Variants in SIMC1 observed in about 807,000 individuals in gnomAD.
The protein encoded by SIMC1 is SUMO interacting motifs containing 1.
A neutral mutation model predicts 82.3 loss-of-function variants in SIMC1; 55 were observed. The ratio of observed to expected loss-of-function variants is 0.67; its 90% CI spans 0.54 to 0.84. The LOEUF is 0.84. Among genes scored for constraint, SIMC1 ranks in the 40% least tolerant of loss-of-function variants. The pLI, the probability that SIMC1 is intolerant of heterozygous loss-of-function variation, is 0.00. For synonymous variants in SIMC1, 353 were observed against 426.3 expected (o/e 0.83, Z 2.12); for missense variants, 915 against 1,107.2 (o/e 0.83, Z 2.46).
chr5:176,295,912 G>A (rs1161212244), intron 3 of SIMC1, among the ~76,000 whole-genome samples: 4 of 152,294 alleles, frequency 2.6e-5, no homozygotes, highest in African/African-American at 4.8e-5. Flanking sequence ...GCCAATCACC[G>A]TGAACTGAGG....
rs544709546 is a variant in SIMC1 at position 176,255,013 on chromosome 5, A to G, written c.129+16376A>G. On this transcript the variant is annotated intron_variant, in intron 1 of 9. Coordinates refer to ENST00000429602, the MANE Select transcript of SIMC1 (RefSeq NM_001308195.2). Reference sequence around the variant, plus strand: ...AGAACCTGGCTAGGCATGGTGGCTCATGCCTGTAATCCCAGCACTTTGGGA... The same window carrying G: ...AGAACCTGGCTAGGCATGGTGGCTCGTGCCTGTAATCCCAGCACTTTGGGA... Among the ~76,000 whole-genome samples, 382 of 152,166 alleles carry G rather than the reference A, an allele frequency of 2.5e-3. 1 individual carries two copies. Among genetic ancestry groups the G allele is most frequent in the African/African-American group, 8.7e-3 (361 of 41,528 alleles).
chr5:176,290,456 C>T lies in SIMC1; in HGVS notation c.932C>T (p.Ser311Leu). The change falls in exon 2 of 10, where the codon TCA (serine) becomes TTA (leucine). Residue 311 changes from serine (S) to leucine (L), a missense_variant. Physicochemically the swap from Ser to Leu is moderately radical, Grantham distance 145. This residue lies in a region of SIMC1 where 902 missense variants were observed against 1,040.3 expected (regional missense o/e 0.87). Transcript: ENST00000429602. ...GCATACCTGCAAGACATGCCACGGT[C>T]ACCAGGAGATGTGCCACAGTCACCA... Reference protein sequence around the residue: ...DVAYLQDMPRSPGDVPQSPSD... With the variant: ...DVAYLQDMPRLPGDVPQSPSD... The T allele has an allele frequency of 6.2e-7, 1 of 1,613,838 alleles. No homozygotes were observed. The highest frequency in any genetic ancestry group is 8.5e-7 in the Non-Finnish European group (1 of 1,179,782).
In SIMC1 at chr5:176,336,705, C is replaced by G. The variant is rs1243752789; in HGVS notation, c.2172-15C>G. 2 of 1,612,702 alleles carry G rather than the reference C, an allele frequency of 1.2e-6. No homozygotes were observed. The highest frequency in any genetic ancestry group is 3.3e-5 in the Admixed American group (2 of 59,946). On this transcript the variant is annotated splice_polypyrimidine_tract_variant and intron_variant, in intron 7 of 9. Transcript: ENST00000429602. ...AGTTGTGATGATTAACTCCCTCTTC[C>G]TCTTCTCCACACAGAGAAATGTTCT...
At position 176,248,256 on chromosome 5, in the gene SIMC1, ATTTG is replaced by A. The variant is rs1356355164; in HGVS notation, c.129+9625_129+9628del. 3.6e-4 allele frequency among the ~76,000 whole-genome samples: 55 copies of A among 152,186 alleles called. No individual in the cohort carries two copies. In the East Asian group the frequency reaches 9.1e-3, roughly 25 times the overall value. ...ATCCATGAGCATGGAATGTTTTTCC[ATTTG>A]TTTGTGTCCTCTTTTATTTCGTTGA... On this transcript the variant is annotated intron_variant, in intron 1 of 9. Transcript: ENST00000429602.
chr5:176,301,086 C>T (rs1464892771), intron 4 of SIMC1, among the ~76,000 whole-genome samples: 1 of 152,196 alleles, frequency 6.6e-6, no homozygotes, highest in East Asian at 1.9e-4. Flanking sequence ...TCAGCTTATT[C>T]TGTGAGGCCA....
At chr5:176,282,524 C>T (rs531131444) in intron 1 of SIMC1, among the ~76,000 whole-genome samples, 1 of 152,230 alleles carries the variant, frequency 6.6e-6, no homozygotes, top group Non-Finnish European at 1.5e-5. Flanking sequence ...TCTTCTGCGT[C>T]GCTCACGCTG....
At chr5:176,252,523 TC>T (rs1291941868) in intron 1 of SIMC1, among the ~76,000 whole-genome samples, 1 of 137,068 alleles carries the variant, frequency 7.3e-6, no homozygotes. Context: ...CAGAGGCGCT[TC>T]CCACATCTCA....
At chr5:176,255,573 C>G (rs1761825346) in intron 1 of SIMC1, among the ~76,000 whole-genome samples, 1 of 108,890 alleles carries the variant, frequency 9.2e-6, no homozygotes, top group African/African-American at 3.6e-5. Context: ...CAGAGTGAGA[C>G]TGTCTTTTTT....
intron 1 of SIMC1, chr5:176,270,196 T>C (rs1762365834): frequency 6.6e-6 from 1 of 151,836 alleles, no homozygotes; most frequent in Admixed American, 6.6e-5. Context: ...CAATATAAAT[T>C]CTGATATTAG....
intron 1 of SIMC1, among the ~76,000 whole-genome samples, chr5:176,281,327 T>A (rs977395702): frequency 6.6e-6 from 1 of 152,194 alleles, no homozygotes; most frequent in Non-Finnish European, 1.5e-5. Flanking sequence ...TAGTTATACA[T>A]TCGTCTAAAT....
chr5:176,333,612 T>A (rs557030643), intron 7 of SIMC1, among the ~76,000 whole-genome samples: 1 of 152,116 alleles, frequency 6.6e-6, no homozygotes, highest in East Asian at 1.9e-4. Flanking sequence ...GTATTTTTAG[T>A]AGAGACGGGG....
At chr5:176,308,847 TC>T in intron 4 of SIMC1, 1 of 1,251,120 alleles carries the variant, frequency 8.0e-7, no homozygotes. Flanking sequence ...ATAACCAAGA[TC>T]CATAATGGCT....
At chr5:176,242,286 T>C (rs896775612) in intron 1 of SIMC1, among the ~76,000 whole-genome samples, 3 of 151,922 alleles carry the variant, frequency 2.0e-5, no homozygotes, top group African/African-American at 7.3e-5. Context: ...AAATAATGAA[T>C]TTAAAAATAT....
At chr5:176,244,783 G>A (rs552058538) in intron 1 of SIMC1, among the ~76,000 whole-genome samples, 2 of 143,260 alleles carry the variant, frequency 1.4e-5, no homozygotes, top group South Asian at 2.2e-4. Context: ...GTGCAATGGC[G>A]CAATCTCAGC....
chr5:176,269,404 A>C (rs1273305535), intron 1 of SIMC1, among the ~76,000 whole-genome samples: 3 of 152,284 alleles, frequency 2.0e-5, no homozygotes, highest in Non-Finnish European at 4.4e-5. Flanking sequence ...ATTTTATGCC[A>C]ATAAATTTGA....
intron 1 of SIMC1, among the ~76,000 whole-genome samples, chr5:176,275,904 G>GATTT (rs1762669005): frequency 6.6e-6 from 1 of 151,670 alleles, no homozygotes; most frequent in African/African-American, 2.4e-5. Flanking sequence ...TTGCATCAAT[G>GATTT]TTCATCAAGG....
At chr5:176,298,183 T>G (rs1302429348) in intron 4 of SIMC1, among the ~76,000 whole-genome samples, 1 of 152,180 alleles carries the variant, frequency 6.6e-6, no homozygotes. Flanking sequence ...TTTGTGGCAT[T>G]TTGCATGCCC....
chr5:176,296,298 T>A lies in SIMC1; in HGVS notation c.1712T>A (p.Leu571His). The change falls in exon 4 of 10, where the codon CTC becomes CAC. Residue 571 changes from leucine to histidine, a missense_variant. Physicochemically the swap from Leu to His is moderately conservative, Grantham distance 99. Transcript: ENST00000429602. ...ACAGTGGAGTGGGACTGGAAACTGCTCACCTATGTCATGGAGGAAGAGGTA... is the reference window on the plus strand; with the variant it reads ...ACAGTGGAGTGGGACTGGAAACTGCACACCTATGTCATGGAGGAAGAGGTA... Reference protein sequence around the residue: ...AKTVEWDWKLLTYVMEEEGQT... With the variant: ...AKTVEWDWKLHTYVMEEEGQT... The A allele has an allele frequency of 6.2e-7, 1 of 1,613,566 alleles. No homozygotes were observed. The highest frequency in any genetic ancestry group is 1.3e-5 in the African/African-American group (1 of 75,034).
intron 1 of SIMC1, among the ~76,000 whole-genome samples, chr5:176,276,354 C>T (rs146668831): frequency 2.0e-5 from 3 of 151,062 alleles, no homozygotes; most frequent in Admixed American, 1.3e-4. Flanking sequence ...CTGTTTGATT[C>T]TTCTCTCTTT....
Sources: gnomAD v4.1 joint callset for allele counts (sites outside exome capture counted in the v4.1 genomes callset) on GRCh38, gnomAD v4.1.1 for gene constraint, gnomAD v4.1.1 regional missense constraint, MANE v1.5 for transcripts, NCBI Gene and HGNC (gene_info 2026-07-23, HGNC 2026-07-21) for gene names.